Variants in CLUH observed in about 807,000 individuals in gnomAD.
The protein encoded by CLUH is CLUH binding protein of NUMT mRNA, also known as clustered mitochondria protein homolog.
In CLUH, 77 loss-of-function variants were observed where a neutral mutation model predicts 139.3. The ratio of observed to expected loss-of-function variants is 0.55; its 90% confidence interval spans 0.46 to 0.67. CLUH has a LOEUF of 0.67. Among genes scored for constraint, CLUH ranks in the 30% least tolerant of loss-of-function variants. CLUH has a pLI of 0.00. For synonymous variants in CLUH, 999 were observed against 801.6 expected, an observed-to-expected ratio of 1.25 and a Z score of -4.16; for missense variants, 1,876 against 1,875.8, an observed-to-expected ratio of 1.00 and a Z score of 0.00.
Position 2,696,159 on chromosome 17 carries a change from C to T in CLUH, c.2391G>A (p.Leu797=). 6.4e-7 allele frequency: 1 copy of T among 1,557,042 alleles called. No homozygotes were observed. The highest frequency in any genetic ancestry group is 8.7e-7 in the Non-Finnish European group (1 of 1,150,488). ...CCCAGCCCCGCAGCCCCTCCCTCAC[C>T]AAGCCAGGGATCTGGCAGGAGAGCA... The part of the protein sequence containing the change: ...AFLLSCQIPG[L]VKDCMEHAVL... Residue 797 remains leucine, a splice_region_variant and synonymous_variant, in exon 13 of 26, where the codon TTG becomes TTA. Coordinates refer to ENST00000651024, the MANE Select transcript of CLUH (RefSeq NM_001366661.1).
Position 2,701,126 on chromosome 17 carries a change from G to A in CLUH, c.1025+14C>T, listed in dbSNP as rs975877055. Reference sequence around the variant, plus strand: ...TGTGCCATGAGACAAGGCGGGAGGGGACAAAGGCACTACCTTTTCTTCTGC... The same window carrying A: ...TGTGCCATGAGACAAGGCGGGAGGGAACAAAGGCACTACCTTTTCTTCTGC... On this transcript the variant is annotated intron_variant, in intron 7 of 25. Coordinates refer to ENST00000651024, the MANE Select transcript of CLUH (RefSeq NM_001366661.1). The A allele has an allele frequency of 3.7e-6, 6 of 1,613,752 alleles. No individual in the cohort carries two copies. The highest frequency in any genetic ancestry group is 1.3e-5 in the African/African-American group (1 of 75,066).
At chr17:2,701,302 G>A (rs774075741) in intron 6 of CLUH, 37 bp from the exon 7 acceptor site, 6 of 1,608,068 alleles carry the variant, frequency 3.7e-6, no homozygotes, top group Non-Finnish European at 5.1e-6. Context: ...GGGGGCCCAG[G>A]TGTCTGCCCA....
chr17:2,700,337 T>C (rs1267342480), intron 9 of CLUH, 45 bp downstream of exon 9: 1 of 1,551,218 alleles, frequency 6.4e-7, no homozygotes, highest in South Asian at 1.2e-5. Context: ...CGTCAGCAGG[T>C]GGACAGCGGG....
chr17:2,694,988 C>T lies in CLUH; in HGVS notation c.2721G>A (p.Lys907=), dbSNP rs2066607211. ...HLPADELVSK[K]RNKRRKNRPP... Reference sequence around the variant, plus strand: ...GCCGGTTTTTCCTCCTCTTATTCCGCTTCTTGGAGACCAGCTCGTCGGCGG... The same window carrying T: ...GCCGGTTTTTCCTCCTCTTATTCCGTTTCTTGGAGACCAGCTCGTCGGCGG... Residue 907 remains lysine (K), a synonymous_variant, in exon 16 of 26, where the codon AAG becomes AAA. Coordinates refer to ENST00000651024, the MANE Select transcript of CLUH (RefSeq NM_001366661.1). The T allele has an allele frequency of 6.2e-7, 1 of 1,613,546 alleles. No individual in the cohort carries two copies. The highest frequency in any genetic ancestry group is 8.5e-7 in the Non-Finnish European group (1 of 1,179,828).
In CLUH at chr17:2,702,042, C is replaced by T. The variant is rs1389876216; in HGVS notation, c.491G>A (p.Arg164His). The T allele has an allele frequency of 1.2e-6, 2 of 1,613,650 alleles. No individual in the cohort carries two copies. Among genetic ancestry groups the T allele is most frequent in the Admixed American group, 1.7e-5 (1 of 59,978 alleles). Reference protein sequence around the residue: ...LRVVEEPYTVREARIHVRHVR... With the variant: ...LRVVEEPYTVHEARIHVRHVR... ...ATGGCGCACGTGGATGCGGGCCTCA[C>T]GCACCGTGTACGGCTCTGTCAGGAA... is the stretch of plus-strand genomic sequence containing the variant. The change falls in exon 4 of 26, where the codon CGT (arginine) becomes CAT (histidine). Residue 164 changes from arginine to histidine, a missense_variant. By Grantham distance (29) the Arg-to-His change is conservative. Transcript: ENST00000651024.
chr17:2,692,995 G>T, intron 19 of CLUH, 135 bp from the exon 20 acceptor site: 3 of 768,928 alleles, frequency 3.9e-6, no homozygotes, highest in East Asian at 3.0e-5. Context: ...GCACAGTGCA[G>T]CAGGGGGGAG....
Position 2,691,935 on chromosome 17 carries a change from CCGCGGCCCCGCCCCCGCCCCGCCA to C in CLUH, c.3654+45_3655-41del, listed in dbSNP as rs2069664552. The C allele has an allele frequency of 1.9e-5, 21 of 1,125,876 alleles. 1 individual carries two copies. The highest frequency in any genetic ancestry group is 2.0e-5 in the African/African-American group (1 of 49,920). The allele number at this position is 1,125,876 out of a possible 1,614,324, so 69.7% of individuals were successfully genotyped here. On this transcript the variant is annotated intron_variant, in intron 23 of 25. Coordinates refer to ENST00000651024, the MANE Select transcript of CLUH (RefSeq NM_001366661.1). ...GAAGGGATCAGGCCCCCCCGTGCCC[CCGCGGCCCCGCCCCCGCCCCGCCA>C]CGCCCCCGCCCCGCCCCCGCCCCCG...
Position 2,696,903 on chromosome 17 carries a change from C to T in CLUH, c.2001G>A (p.Met667Ile). The T allele has an allele frequency of 6.2e-7, 1 of 1,609,044 alleles. No homozygotes were observed. The highest frequency in any genetic ancestry group is 8.5e-7 in the Non-Finnish European group (1 of 1,177,946). ...LFMKLAALQL[M>I]QQNASQLETP... ...TCTCCAGCTGGCTGGCGTTCTGCTG[C>T]ATCAGCTGCAAGGCGGCCAGCTTCA... The change falls in exon 11 of 26, where the codon ATG becomes ATA. Residue 667 changes from methionine (M) to isoleucine (I), a missense_variant. By Grantham distance (10) the Met-to-Ile change is conservative (BLOSUM62 1). Coordinates refer to ENST00000651024, the MANE Select transcript of CLUH (RefSeq NM_001366661.1).
chr17:2,693,860 A>G, intron 19 of CLUH, 40 bp downstream of exon 19: 2 of 1,571,802 alleles, frequency 1.3e-6, no homozygotes, highest in Non-Finnish European at 1.7e-6. Flanking sequence ...CCATCCCCCA[A>G]CACGAGGCCA....
chr17:2,691,973 CCCCCGCCCCCGCCACG>C lies in CLUH; in HGVS notation c.3654+15_3654+30del, dbSNP rs1567575981. On this transcript the variant is annotated intron_variant, in intron 23 of 25. Coordinates refer to ENST00000651024, the MANE Select transcript of CLUH (RefSeq NM_001366661.1). ...CCCGCCCCGCCACGCCCCCGCCCCG[CCCCCGCCCCCGCCACG>C]CCCCCGCCGCGCACCTGCGTCTTGT... 17 of 467,048 alleles carry C rather than the reference CCCCCGCCCCCGCCACG, an allele frequency of 3.6e-5. 4 individuals are homozygous for C. The Admixed American group carries it at 9.2e-4, about 25-fold the overall frequency. The allele number at this position is 467,048 out of a possible 1,614,324, so 28.9% of individuals were successfully genotyped here. A position where few individuals can be genotyped will look rare whatever the true frequency, so the allele number is the denominator to read the frequency against.
chr17:2,694,821 A>AAGCCC, intron 16 of CLUH, 36 bp downstream of exon 16: 2 of 1,446,328 alleles, frequency 1.4e-6, no homozygotes, highest in Non-Finnish European at 1.8e-6. Context: ...CATCTGCCCA[A>AAGCCC]TCCCACCCAC....
At chr17:2,694,096 T>C (rs1328697966) in intron 18 of CLUH, 27 bp downstream of exon 18, 1 of 1,613,766 alleles carries the variant, frequency 6.2e-7, no homozygotes, top group South Asian at 1.1e-5. Flanking sequence ...AACCCCCACC[T>C]CCACCCAGCC....
In CLUH at chr17:2,692,422, C is replaced by G. The variant is rs1278809128; in HGVS notation, c.3499G>C (p.Glu1167Gln). The change falls in exon 22 of 26, where the codon GAG becomes CAG. Residue 1167 changes from glutamate to glutamine, a missense_variant. Glu to Gln is a conservative substitution (Grantham distance 29, BLOSUM62 2). This residue lies in a region of CLUH where 1,454 missense variants were observed against 1,384.4 expected (regional missense o/e 1.05). Transcript: ENST00000651024. The part of the protein sequence containing the change: ...MEYDLSLRFL[E>Q]NALAVSTKYH... ...TTGGTGCTGACGGCCAGCGCGTTCT[C>G]CAGGAAGCGCAGCGACAGGTCGTAC... The G allele has an allele frequency of 1.3e-6, 2 of 1,599,776 alleles. No individual in the cohort carries two copies. The highest frequency in any genetic ancestry group is 3.3e-5 in the Admixed American group (2 of 59,960).
intron 9 of CLUH, among the ~76,000 whole-genome samples, chr17:2,698,944 GGCT>G (rs1427863723): frequency 1.3e-5 from 2 of 152,162 alleles, no homozygotes; most frequent in Non-Finnish European, 2.9e-5. Flanking sequence ...CCACCCGACA[GGCT>G]GAGGCAGGAG....
At position 2,690,741 on chromosome 17, in the gene CLUH, C is replaced by T. The variant is rs763111938; in HGVS notation, c.3900G>A (p.Ala1300=). The T allele has an allele frequency of 6.5e-5, 100 of 1,542,152 alleles. 2 individuals carry two copies. In the South Asian group the frequency reaches 1.2e-3, roughly 18 times the overall value. The change falls in exon 26 of 26, where the codon GCG becomes GCA. Residue 1300 remains alanine, a synonymous_variant. Transcript: ENST00000651024. ...KDLENLKAEV[A]RRHQLQEASR... ...TGGCCTCCTGGAGCTGGTGCCGCCG[C>T]GCCACCTCGGCTTTCAGATTCTCCA...
chr17:2,695,103 T>C lies in CLUH; in HGVS notation c.2608-2A>G, dbSNP rs2069884313. On this transcript the variant is annotated splice_acceptor_variant, in intron 15 of 25. Coordinates refer to ENST00000651024, the MANE Select transcript of CLUH (RefSeq NM_001366661.1). LOFTEE classifies it high-confidence loss of function. ...TGAGAGGCCGGAGAGCTCGACTCCC[T>C]GCGAGGCAGGTTGGATCCGAGTCAT... 6.2e-7 allele frequency: 1 copy of C among 1,612,018 alleles called. No homozygotes were observed. Among genetic ancestry groups the C allele is most frequent in the Non-Finnish European group, 8.5e-7 (1 of 1,178,962 alleles).
chr17:2,692,106 A>G lies in CLUH; in HGVS notation c.3561-9T>C. 2 of 1,595,530 alleles carry G rather than the reference A, an allele frequency of 1.3e-6. No homozygotes were observed. The highest frequency in any genetic ancestry group is 3.5e-5 in the Admixed American group (2 of 57,854). On this transcript the variant is annotated splice_polypyrimidine_tract_variant and intron_variant, in intron 22 of 25. Coordinates refer to ENST00000651024, the MANE Select transcript of CLUH (RefSeq NM_001366661.1). ...GGGCGACAAGGTGGTGGCTGCCGGG[A>G]GGCGCGGCGCGGGGCGAGGGAAGGG...
intron 10 of CLUH, 71 bp downstream of exon 10, chr17:2,697,825 C>G: frequency 7.2e-7 from 1 of 1,381,752 alleles, no homozygotes; most frequent in Non-Finnish European, 9.5e-7. Flanking sequence ...GGACCCAACC[C>G]CGGATCCACC....
intron 12 of CLUH, 30 bp downstream of exon 12, chr17:2,696,404 C>G (rs775616718): frequency 6.4e-7 from 1 of 1,552,096 alleles, no homozygotes; most frequent in Non-Finnish European, 8.7e-7. Context: ...CCCTGGAGGG[C>G]TCCTGCGCTG....
Sources: gnomAD v4.1 joint callset for allele counts (sites outside exome capture counted in the v4.1 genomes callset) on GRCh38, gnomAD v4.1.1 for gene constraint, gnomAD v4.1.1 regional missense constraint, MANE v1.5 for transcripts, NCBI Gene and HGNC (gene_info 2026-07-23, HGNC 2026-07-21) for gene names.